Variants in SPHK2 observed in about 807,000 individuals in gnomAD.
The protein encoded by SPHK2 is sphingosine kinase 2.
SPHK2 carries 18 observed loss-of-function variants against 32.3 expected under a neutral mutation model. The ratio of observed to expected loss-of-function variants is 0.56; its 90% CI spans 0.39 to 0.83. SPHK2 has a LOEUF of 0.83. Among genes scored for constraint, SPHK2 ranks in the 40% least tolerant of loss-of-function variants. SPHK2 has a pLI of 0.00. For missense variants in SPHK2, 850 were observed against 908.7 expected, an observed-to-expected ratio of 0.94 and a Z score of 0.83; for synonymous variants, 462 against 417.6, an observed-to-expected ratio of 1.11 and a Z score of -1.30.
chr19:48,619,998 G>T lies in SPHK2; in HGVS notation c.-113-404G>T, dbSNP rs916277366. Among the ~76,000 whole-genome samples, 8 of 152,240 alleles carry T rather than the reference G, an allele frequency of 5.3e-5. No individual in the cohort carries two copies. The South Asian group carries it at 1.7e-3, about 32-fold the overall frequency. ...ATAACCAAATTCAAATCCTGGCTCT[G>T]CTAGTTACTAATGGGGTGATTGGGC... On this transcript the variant is annotated intron_variant, in intron 1 of 6. Transcript: ENST00000245222.
chr19:48,620,725 A>G (rs1974369681), intron 2 of SPHK2, 172 bp downstream of exon 2: 2 of 583,232 alleles, frequency 3.4e-6, no homozygotes, highest in Non-Finnish European at 3.0e-6. Flanking sequence ...GGAGTTCGAG[A>G]TCAGCCTGGC....
intron 2 of SPHK2, chr19:48,624,976 G>A: frequency 1.0e-6 from 1 of 987,582 alleles, no homozygotes; most frequent in Non-Finnish European, 1.2e-6. Context: ...AGCGAAAGGA[G>A]GAGGCAGAAT....
chr19:48,625,758 CCTGT>C (rs766928473), intron 2 of SPHK2, 129 bp from the exon 3 acceptor site: 13 of 1,535,508 alleles, frequency 8.5e-6, no homozygotes, highest in Admixed American at 5.9e-5. Flanking sequence ...CCTGTCTGAG[CCTGT>C]CTGTCTCTGA....
intron 2 of SPHK2, chr19:48,624,931 C>A (rs1480393748): frequency 1.2e-4 from 122 of 978,478 alleles, no homozygotes; most frequent in Non-Finnish European, 1.5e-4. Flanking sequence ...GCAGGACTGG[C>A]AGGTGGCTGG....
intron 3 of SPHK2, 125 bp downstream of exon 3, chr19:48,626,487 G>A (rs1345841926): frequency 1.6e-6 from 2 of 1,250,912 alleles, no homozygotes; most frequent in East Asian, 5.5e-5. Context: ...GATCCGTTAG[G>A]AGTGATACAC....
At position 48,629,263 on chromosome 19, in the gene SPHK2, C is replaced by A; in HGVS notation, c.1455C>A (p.Pro485=). 1 of 1,613,702 alleles carries A rather than the reference C, an allele frequency of 6.2e-7. No homozygotes were observed. Among genetic ancestry groups the A allele is most frequent in the East Asian group, 2.2e-5 (1 of 44,868 alleles). ...CTCCCAAGGCAGCTCTACACTCACC[C>A]GTCTCCGAAGGGGCCCCCGTAATTC... The part of the protein sequence containing the change: ...PGSPKAALHS[P]VSEGAPVIPP... Residue 485 remains proline, a synonymous_variant, in exon 7 of 7, where the codon CCC becomes CCA. Coordinates refer to ENST00000245222, the MANE Select transcript of SPHK2 (RefSeq NM_020126.5).
intron 2 of SPHK2, chr19:48,625,658 G>T: frequency 6.5e-7 from 1 of 1,531,762 alleles, no homozygotes; most frequent in East Asian, 2.5e-5. Flanking sequence ...ATACTTACTG[G>T]GGAATAAATG....
rs1309234786 is a variant in SPHK2 at position 48,628,928 on chromosome 19, G to A, written c.1120G>A (p.Gly374Arg). Residue 374 changes from glycine to arginine, a missense_variant, in exon 7 of 7, where the codon GGA (glycine) becomes AGA (arginine). This residue lies in a region of SPHK2 where 544 missense variants were observed against 640.0 expected (regional missense o/e 0.85). Transcript: ENST00000245222. The surrounding 1 kb of genome is among the most constrained non-coding windows in gnomAD (Gnocchi z 5.2). ...LGLATLHTYR[G>R]RLSYLPATVE... ...CCTCGCCACACTGCACACCTACCGC[G>A]GACGCCTCTCCTACCTCCCCGCCAC... is the stretch of plus-strand genomic sequence containing the variant. 2 of 1,613,344 alleles carry A rather than the reference G, an allele frequency of 1.2e-6. No homozygotes were observed. The highest frequency in any genetic ancestry group is 1.7e-6 in the Non-Finnish European group (2 of 1,179,990).
intron 2 of SPHK2, chr19:48,620,930 A>AG (rs947474716): frequency 1.1e-4 from 20 of 176,840 alleles, no homozygotes; most frequent in Non-Finnish European, 2.0e-4. Context: ...CAAAAAAAAA[A>AG]AAGAAAAAAC....
chr19:48,629,317 C>T lies in SPHK2; in HGVS notation c.1509C>T (p.Thr503=), dbSNP rs144678011. ...CATCCTCTGGGCTCCCACTTCCCAC[C>T]CCTGATGCCCGGGTAGGGGCCTCCA... The part of the protein sequence containing the change: ...IPPSSGLPLP[T]PDARVGASTC... The change falls in exon 7 of 7, where the codon ACC becomes ACT. Residue 503 remains threonine (T), a synonymous_variant. Transcript: ENST00000245222. 167 of 1,613,350 alleles carry T rather than the reference C, an allele frequency of 1.0e-4. No homozygotes were observed. The African/African-American group carries it at 1.6e-3, about 15-fold the overall frequency.
chr19:48,630,061 C>T lies in SPHK2; in HGVS notation c.*288C>T, dbSNP rs1037640715. ...GGCAGGGCTCAGTCCTGACGCTTGC[C>T]ACCTGCTCCTACCCGGCCAGGATGG... On this transcript the variant is annotated 3_prime_UTR_variant, in exon 7 of 7. Coordinates refer to ENST00000245222, the MANE Select transcript of SPHK2 (RefSeq NM_020126.5). The surrounding 1 kb of genome is among the most constrained non-coding windows in gnomAD (Gnocchi z 4.9). 2.3e-6 allele frequency: 3 copies of T among 1,291,322 alleles called. No individual in the cohort carries two copies. Among genetic ancestry groups the T allele is most frequent in the Admixed American group, 7.3e-5 (2 of 27,240 alleles). The allele number at this position is 1,291,322 out of a possible 1,614,324, so 80.0% of individuals were successfully genotyped here.
intron 2 of SPHK2, among the ~76,000 whole-genome samples, chr19:48,622,318 A>G (rs1196955670): frequency 6.6e-6 from 1 of 151,978 alleles, no homozygotes; most frequent in Admixed American, 6.6e-5. Context: ...CTCAGGGGGA[A>G]TTGGGTTTTT....
At position 48,629,277 on chromosome 19, in the gene SPHK2, C is replaced by G; in HGVS notation, c.1469C>G (p.Ala490Gly). The G allele has an allele frequency of 6.8e-6, 11 of 1,613,610 alleles. No homozygotes were observed. Among genetic ancestry groups the G allele is most frequent in the Non-Finnish European group, 9.3e-6 (11 of 1,179,976 alleles). ...AALHSPVSEG[A>G]PVIPPSSGLP... ...CTACACTCACCCGTCTCCGAAGGGGCCCCCGTAATTCCCCCATCCTCTGGG... is the reference window on the plus strand; with the variant it reads ...CTACACTCACCCGTCTCCGAAGGGGGCCCCGTAATTCCCCCATCCTCTGGG... The change falls in exon 7 of 7, where the codon GCC becomes GGC. Residue 490 changes from alanine (A) to glycine (G), a missense_variant. Around this residue, in one of 2 missense-constraint regions of SPHK2, gnomAD observed 306 missense variants for 268.6 expected, o/e 1.14. Transcript: ENST00000245222.
chr19:48,630,057 TTG>T lies in SPHK2; in HGVS notation c.*285_*286del. On this transcript the variant is annotated 3_prime_UTR_variant, in exon 7 of 7. Coordinates refer to ENST00000245222, the MANE Select transcript of SPHK2 (RefSeq NM_020126.5). The surrounding 1 kb of genome is among the most constrained non-coding windows in gnomAD (Gnocchi z 4.9). ...ACGGGGCAGGGCTCAGTCCTGACGC[TTG>T]CCACCTGCTCCTACCCGGCCAGGAT... 7 of 1,291,934 alleles carry T rather than the reference TTG, an allele frequency of 5.4e-6. No individual in the cohort carries two copies. The highest frequency in any genetic ancestry group is 2.7e-5 in the South Asian group (1 of 37,384). 80.0% of individuals were successfully genotyped at this position (1,291,934 alleles called of 1,614,324 possible).
chr19:48,627,852 G>A lies in SPHK2; in HGVS notation c.661+11G>A. 1 of 1,605,644 alleles carries A rather than the reference G, an allele frequency of 6.2e-7. No homozygotes were observed. The highest frequency in any genetic ancestry group is 8.5e-7 in the Non-Finnish European group (1 of 1,175,340). On this transcript the variant is annotated intron_variant, in intron 4 of 6. Transcript: ENST00000245222. Reference sequence around the variant, plus strand: ...ACCTCATCCAGACAGGTAAGGGCCAGTGAGAATGGGAGCTGGGGGCTGGGA... The same window carrying A: ...ACCTCATCCAGACAGGTAAGGGCCAATGAGAATGGGAGCTGGGGGCTGGGA...
At position 48,629,806 on chromosome 19, in the gene SPHK2, G is replaced by A. The variant is rs559162811; in HGVS notation, c.*33G>A. On this transcript the variant is annotated 3_prime_UTR_variant, in exon 7 of 7. Transcript: ENST00000245222. ...CAAGCTTGGTACCCGCCGGGGGCGG[G>A]GCCTACATTCCAATGGGGCGGAGCC... 1 of 1,528,398 alleles carries A rather than the reference G, an allele frequency of 6.5e-7. No homozygotes were observed. The highest frequency in any genetic ancestry group is 1.3e-5 in the South Asian group (1 of 79,578). 94.7% of individuals were successfully genotyped at this position (1,528,398 alleles called of 1,614,324 possible).
chr19:48,624,828 GA>G, intron 2 of SPHK2: 1 of 886,940 alleles, frequency 1.1e-6, no homozygotes, highest in Non-Finnish European at 1.3e-6. Flanking sequence ...AGCCGCTGGG[GA>G]TAGGGGGGCA....
Position 48,625,018 on chromosome 19 carries a change from G to A in SPHK2, c.40-873G>A. 4.0e-6 allele frequency: 4 copies of A among 987,902 alleles called. No individual in the cohort carries two copies. The South Asian group carries it at 1.9e-4, about 46-fold the overall frequency. 61.2% of individuals were successfully genotyped at this position (987,902 alleles called of 1,614,324 possible). On this transcript the variant is annotated intron_variant, in intron 2 of 6. Coordinates refer to ENST00000245222, the MANE Select transcript of SPHK2 (RefSeq NM_020126.5). ...AGAGGGCAGGGAGAGGGCCTGTGGGGAAGGGACCTCAGTCCTGCTCCCACC... is the reference window on the plus strand; with the variant it reads ...AGAGGGCAGGGAGAGGGCCTGTGGGAAAGGGACCTCAGTCCTGCTCCCACC...
intron 2 of SPHK2, among the ~76,000 whole-genome samples, chr19:48,621,738 A>C (rs1974413841): frequency 6.6e-6 from 1 of 152,190 alleles, no homozygotes; most frequent in Non-Finnish European, 1.5e-5. Context: ...TGCAGGGGGA[A>C]GCATATTATA....
Sources: allele counts gnomAD v4.1 joint callset (sites outside exome capture counted in the v4.1 genomes callset), GRCh38; gene constraint gnomAD v4.1.1; regional missense constraint gnomAD v4.1.1; non-coding constraint Gnocchi (gnomAD v3.1); transcripts MANE v1.5; gene names NCBI Gene and HGNC (gene_info 2026-07-23, HGNC 2026-07-21).